The following TUBD1 variants were observed in gnomAD, a reference collection of about 807,000 sequenced individuals.
TUBD1 encodes the protein tubulin delta 1, also known as tubulin delta chain.
A neutral mutation model predicts 51.2 loss-of-function variants in TUBD1; 38 were observed. That is an observed-to-expected ratio of 0.74 (90% CI 0.57 to 0.97). TUBD1 has a LOEUF of 0.97. Among genes scored for constraint, TUBD1 ranks in the 50% least tolerant of loss-of-function variants. TUBD1 has a pLI of 0.00. For missense variants in TUBD1, 489 were observed against 538.4 expected (o/e 0.91, Z 0.91); for synonymous variants, 169 against 178.2 (o/e 0.95, Z 0.41).
In TUBD1 at chr17:59,877,923, T is replaced by C. The variant is rs2040300244; in HGVS notation, c.769+180A>G. ...AGAGCAGTGGATACCCACTGCCCTT[T>C]AGCAACTTCTCAAAGCTTTTCAATA... On this transcript the variant is annotated intron_variant, in intron 5 of 8. Transcript: ENST00000325752. Among the ~76,000 whole-genome samples, 4 of 152,120 alleles carry C rather than the reference T, an allele frequency of 2.6e-5. No individual in the cohort carries two copies. The South Asian group carries it at 8.3e-4, about 32-fold the overall frequency.
intron 5 of TUBD1, 28 bp from the exon 6 acceptor site, chr17:59,874,731 T>A: frequency 6.6e-7 from 1 of 1,516,150 alleles, no homozygotes; most frequent in African/African-American, 1.4e-5. Flanking sequence ...TCTGAACTAA[T>A]TTTTTTTTAT....
chr17:59,868,607 A>AG (rs538742262), intron 6 of TUBD1, among the ~76,000 whole-genome samples: 435 of 151,672 alleles, frequency 2.9e-3, no homozygotes, highest in Non-Finnish European at 4.5e-3. Context: ...TGCGAGGCAG[A>AG]GGGGGGGGAT....
At chr17:59,876,942 A>T (rs1032926155) in intron 5 of TUBD1, among the ~76,000 whole-genome samples, 1 of 151,554 alleles carries the variant, frequency 6.6e-6, no homozygotes, top group African/African-American at 2.4e-5. Context: ...GCTGACTGCA[A>T]CGTCTGCCTT....
chr17:59,885,357 C>T (rs541938285), intron 3 of TUBD1: 3 of 735,284 alleles, frequency 4.1e-6, no homozygotes, highest in Non-Finnish European at 7.3e-6. Context: ...ATATGTCCCC[C>T]ACACCTGTTT....
At chr17:59,878,076 A>G in intron 5 of TUBD1, 27 bp downstream of exon 5, 2 of 1,561,864 alleles carry the variant, frequency 1.3e-6, no homozygotes, top group Non-Finnish European at 1.8e-6. Context: ...AGGCTTTCCT[A>G]TAATTAACGT....
At chr17:59,886,320 T>G in intron 2 of TUBD1, 90 bp from the exon 3 acceptor site, 1 of 1,112,740 alleles carries the variant, frequency 9.0e-7, no homozygotes, top group South Asian at 2.5e-5. Flanking sequence ...AGTGTCCAAA[T>G]CCAAAAAAAA....
intron 4 of TUBD1, among the ~76,000 whole-genome samples, chr17:59,880,664 G>A (rs564235690): frequency 1.5e-3 from 223 of 151,700 alleles, no homozygotes; most frequent in African/African-American, 5.3e-3. Flanking sequence ...AGAGGCGCCC[G>A]CCACCACGCC....
intron 7 of TUBD1, among the ~76,000 whole-genome samples, chr17:59,865,462 C>G (rs1315100125): frequency 6.6e-6 from 1 of 152,144 alleles, no homozygotes; most frequent in Non-Finnish European, 1.5e-5. Context: ...TGCCTATAAT[C>G]CCAGCTACTT....
chr17:59,870,252 C>G (rs1323210722), intron 6 of TUBD1, among the ~76,000 whole-genome samples: 1 of 151,014 alleles, frequency 6.6e-6, no homozygotes, highest in Non-Finnish European at 1.5e-5. Context: ...ATTGGTAATC[C>G]CAGCTACTTG....
chr17:59,878,416 G>T, intron 4 of TUBD1, 82 bp from the exon 5 acceptor site: 1 of 980,258 alleles, frequency 1.0e-6, no homozygotes, highest in Non-Finnish European at 1.6e-6. Context: ...TCCTGGCAGG[G>T]TTCAAATCCG....
chr17:59,868,709 C>T (rs9909767), intron 6 of TUBD1, among the ~76,000 whole-genome samples: 1,948 of 150,792 alleles, frequency 0.013, 36 homozygotes, highest in African/African-American at 0.043. Context: ...TGGTGGCACA[C>T]GCCTGTAGTC....
At chr17:59,866,110 CAAAAAAAAA>C (rs1191579900) in intron 7 of TUBD1, among the ~76,000 whole-genome samples, 21,082 of 77,342 alleles carry the variant, frequency 0.27, 2,441 homozygotes, top group African/African-American at 0.43. Flanking sequence ...GACCCCGTCT[CAAAAAAAAA>C]AAAAAAAAAA....
chr17:59,877,707 G>C (rs1202726970), intron 5 of TUBD1, among the ~76,000 whole-genome samples: 1 of 151,632 alleles, frequency 6.6e-6, no homozygotes, highest in Non-Finnish European at 1.5e-5. Flanking sequence ...GAACCCAGGA[G>C]GCAGAGGTTG....
At chr17:59,860,540 T>C (rs2039393153) in intron 8 of TUBD1, 116 bp from the exon 9 acceptor site, 2 of 664,964 alleles carry the variant, frequency 3.0e-6, no homozygotes, top group Non-Finnish European at 5.1e-6. Flanking sequence ...GATCACACAA[T>C]CGTTCAGAAG....
rs557954174 is a variant in TUBD1 at position 59,881,729 on chromosome 17, T to C, written c.321-619A>G. The stretch of plus-strand genomic sequence containing the variant: ...TTCACTCTTGTCACCAGGGCTGGAG[T>C]ACAATGGCGCGATCTCGGCTCACTC... On this transcript the variant is annotated intron_variant, in intron 3 of 8. Coordinates refer to ENST00000325752, the MANE Select transcript of TUBD1 (RefSeq NM_016261.4). Among the ~76,000 whole-genome samples the C allele has an allele frequency of 2.6e-5, 4 of 152,028 alleles. No homozygotes were observed. In the South Asian group the frequency reaches 8.3e-4, roughly 32 times the overall value.
At chr17:59,880,161 G>A (rs1047969876) in intron 4 of TUBD1, among the ~76,000 whole-genome samples, 3 of 151,954 alleles carry the variant, frequency 2.0e-5, no homozygotes, top group East Asian at 1.9e-4. Flanking sequence ...AAGTTCAAGC[G>A]AAATCTCCTG....
chr17:59,885,168 C>A, intron 3 of TUBD1: 1 of 387,984 alleles, frequency 2.6e-6, no homozygotes, highest in Admixed American at 3.3e-5. Context: ...GGCCACTGCC[C>A]TCAAGAAGTA....
chr17:59,876,078 A>ATG (rs1407315461), intron 5 of TUBD1, among the ~76,000 whole-genome samples: 3 of 152,334 alleles, frequency 2.0e-5, no homozygotes, highest in East Asian at 3.9e-4. Flanking sequence ...TGTCCTCTAA[A>ATG]TGTAGAATTC....
chr17:59,872,728 G>A (rs993634697), intron 6 of TUBD1, among the ~76,000 whole-genome samples: 4 of 140,718 alleles, frequency 2.8e-5, no homozygotes, highest in Non-Finnish European at 6.2e-5. Context: ...GTGTGTGTGT[G>A]TCTGTGTGTG....
Sources: gnomAD v4.1 joint callset for allele counts (sites outside exome capture counted in the v4.1 genomes callset) on GRCh38, gnomAD v4.1.1 for gene constraint, MANE v1.5 for transcripts, NCBI Gene and HGNC (gene_info 2026-07-23, HGNC 2026-07-21) for gene names.